The following CNKSR2 variants were observed in gnomAD, a reference collection of about 807,000 sequenced individuals.
The protein encoded by CNKSR2 is connector enhancer of kinase suppressor of Ras 2, also known as CNK homolog protein 2.
Under a neutral mutation model 84.4 loss-of-function variants are expected in CNKSR2, and 14 were observed. The observed-to-expected ratio is 0.17, with a 90% CI of 0.11 to 0.26. CNKSR2 has a LOEUF of 0.26. CNKSR2 is among the 10% of genes least tolerant of loss of function. CNKSR2 has a pLI of 1.00. For synonymous variants in CNKSR2, 275 were observed against 277.9 expected (o/e 0.99, Z 0.10); for missense variants, 485 against 771.2 (o/e 0.63, Z 4.40).
At chrX:21,600,417 G>A (rs2092475260) in intron 17 of CNKSR2, among the ~76,000 whole-genome samples, 1 of 112,362 alleles carries the variant, frequency 8.9e-6, no homozygotes, top group Admixed American at 9.4e-5. Context: ...TTGAAATGTA[G>A]GTTTTTCTTC....
intron 11 of CNKSR2, among the ~76,000 whole-genome samples, chrX:21,544,929 A>G (rs754178582): frequency 4.2e-4 from 47 of 111,463 alleles, no homozygotes; most frequent in Non-Finnish European, 7.6e-4. Flanking sequence ...CTACACCACC[A>G]GGGCCCTGGG....
intron 8 of CNKSR2, among the ~76,000 whole-genome samples, chrX:21,503,048 G>A (rs1344401755): frequency 9.0e-6 from 1 of 110,772 alleles, no homozygotes; most frequent in Non-Finnish European, 1.9e-5. Flanking sequence ...ATTTCCAGAT[G>A]GTCATTAAGA....
At chrX:21,455,401 CAG>C (rs989551424) in intron 4 of CNKSR2, among the ~76,000 whole-genome samples, 3 of 111,852 alleles carry the variant, frequency 2.7e-5, no homozygotes, top group Non-Finnish European at 5.7e-5. Context: ...AAAGCTTCTA[CAG>C]AGTCTTCTTT....
chrX:21,392,426 G>A (rs146710846), intron 1 of CNKSR2, among the ~76,000 whole-genome samples: 1,129 of 111,925 alleles, frequency 0.01, 13 homozygotes, highest in African/African-American at 0.035. Flanking sequence ...GGGAGGCCTC[G>A]CGAAACTTTC....
At chrX:21,420,662 G>A (rs1569158486) in intron 1 of CNKSR2, among the ~76,000 whole-genome samples, 1 of 110,805 alleles carries the variant, frequency 9.0e-6, no homozygotes, top group Admixed American at 9.6e-5. Context: ...CTGGACCAGG[G>A]TATGTCTAGG....
intron 9 of CNKSR2, among the ~76,000 whole-genome samples, chrX:21,523,780 C>A (rs2091807992): frequency 9.0e-6 from 1 of 110,616 alleles, no homozygotes; most frequent in African/African-American, 3.3e-5. Context: ...AGGAATTTCT[C>A]ACTGATAATT....
intron 5 of CNKSR2, among the ~76,000 whole-genome samples, chrX:21,485,764 G>T (rs186172164): frequency 2.2e-3 from 245 of 111,511 alleles, no homozygotes; most frequent in African/African-American, 7.5e-3. Flanking sequence ...GCTTTTTTAA[G>T]GCATATCATT....
At chrX:21,643,906 A>G (rs1176502409) in intron 20 of CNKSR2, 1 of 111,572 alleles carries the variant, frequency 9.0e-6, no homozygotes, top group African/African-American at 3.3e-5. Flanking sequence ...TTTAATTACA[A>G]ACATTCAAAT....
chrX:21,464,172 C>T (rs2091097504), intron 4 of CNKSR2, among the ~76,000 whole-genome samples: 1 of 112,216 alleles, frequency 8.9e-6, no homozygotes, highest in African/African-American at 3.2e-5. Context: ...GGTTAGGACT[C>T]GTTTAAATGC....
intron 16 of CNKSR2, 102 bp from the exon 17 acceptor site, chrX:21,595,222 T>A: frequency 2.9e-6 from 2 of 690,718 alleles, no homozygotes; most frequent in Non-Finnish European, 4.5e-6. Flanking sequence ...GCATTATATA[T>A]GTGAACTCGG....
chrX:21,606,726 T>C, intron 18 of CNKSR2, 53 bp from the exon 19 acceptor site: 1 of 753,410 alleles, frequency 1.3e-6, no homozygotes, highest in Non-Finnish European at 2.0e-6. Context: ...CGTGAAAATA[T>C]GACCAGAAAC....
chrX:21,615,561 A>G (rs142717227), intron 20 of CNKSR2, among the ~76,000 whole-genome samples: 3,401 of 111,676 alleles, frequency 0.03, 126 homozygotes, highest in African/African-American at 0.1. Flanking sequence ...TGAGTATTCA[A>G]TGAAGTGATG....
At chrX:21,594,877 G>A (rs1425801639) in intron 15 of CNKSR2, 97 bp from the exon 16 acceptor site, 55 of 579,824 alleles carry the variant, frequency 9.5e-5, no homozygotes, top group Middle Eastern at 3.3e-4. Flanking sequence ...TTAAAGGAAC[G>A]GATTTATTAG....
chrX:21,454,268 G>A (rs1319588048), intron 4 of CNKSR2, among the ~76,000 whole-genome samples: 1 of 111,620 alleles, frequency 9.0e-6, no homozygotes, highest in African/African-American at 3.3e-5. Flanking sequence ...AATATTAAGT[G>A]CAATGAAGTC....
intron 4 of CNKSR2, among the ~76,000 whole-genome samples, chrX:21,466,910 A>G (rs908770318): frequency 9.0e-6 from 1 of 111,036 alleles, no homozygotes; most frequent in Non-Finnish European, 1.9e-5. Flanking sequence ...CTGCATCCTC[A>G]CCCTTTGTGG....
At chrX:21,517,311 G>A (rs1242576005) in intron 9 of CNKSR2, among the ~76,000 whole-genome samples, 1 of 110,428 alleles carries the variant, frequency 9.1e-6, no homozygotes, top group African/African-American at 3.3e-5. Flanking sequence ...TGTAAGCCCA[G>A]GAGTATGAGG....
chrX:21,456,160 A>G (rs1265032235), intron 4 of CNKSR2, among the ~76,000 whole-genome samples: 2 of 111,969 alleles, frequency 1.8e-5, no homozygotes, highest in Non-Finnish European at 3.8e-5. Context: ...AATTACCACA[A>G]ACAAGCTAAT....
chrX:21,415,902 C>T (rs1392177806), intron 1 of CNKSR2, among the ~76,000 whole-genome samples: 2 of 106,012 alleles, frequency 1.9e-5, no homozygotes, highest in African/African-American at 6.9e-5. Flanking sequence ...AATAATTTGA[C>T]TTCTTCCTTT....
chrX:21,549,878 G>A (rs1462892196), intron 11 of CNKSR2, among the ~76,000 whole-genome samples: 1 of 112,061 alleles, frequency 8.9e-6, no homozygotes, highest in Non-Finnish European at 1.9e-5. Flanking sequence ...GCAGAAAACT[G>A]AAACTGGACC....
Sources: gnomAD v4.1 joint callset for allele counts (sites outside exome capture counted in the v4.1 genomes callset) on GRCh38, gnomAD v4.1.1 for gene constraint, MANE v1.5 for transcripts, NCBI Gene and HGNC (gene_info 2026-07-23, HGNC 2026-07-21) for gene names.